Variants in ARHGEF12 observed in about 807,000 individuals in gnomAD.
ARHGEF12 encodes the protein KMT2A/ARHGEF12 fusion protein.
ARHGEF12 carries 66 observed loss-of-function variants against 211.2 expected under a neutral mutation model. That is an observed-to-expected ratio of 0.31 (90% CI 0.26 to 0.38). ARHGEF12 has a LOEUF of 0.38. Ranked by LOEUF, ARHGEF12 falls within the 10% of genes least tolerant of loss-of-function variation. The pLI, the probability that ARHGEF12 is intolerant of heterozygous loss-of-function variation, is 1.00. For synonymous variants in ARHGEF12, 592 were observed against 638.4 expected, an observed-to-expected ratio of 0.93 and a Z score of 1.09; for missense variants, 1,429 against 1,869.5, an observed-to-expected ratio of 0.76 and a Z score of 4.34.
At chr11:120,382,237 G>A (rs568111468) in intron 1 of ARHGEF12, among the ~76,000 whole-genome samples, 16 of 152,218 alleles carry the variant, frequency 1.1e-4, no homozygotes, top group Non-Finnish European at 1.6e-4. Flanking sequence ...GTAACTCTGT[G>A]TTTAACTTTC....
intron 3 of ARHGEF12, 30 bp downstream of exon 3, chr11:120,407,853 A>G (rs1944758546): frequency 1.3e-6 from 2 of 1,581,334 alleles, no homozygotes; most frequent in Non-Finnish European, 8.7e-7. Context: ...TTCAAAGAGT[A>G]TTGAGAGTAG....
chr11:120,344,290 A>AACTG (rs1942633785), intron 1 of ARHGEF12, among the ~76,000 whole-genome samples: 1 of 151,412 alleles, frequency 6.6e-6, no homozygotes, highest in Non-Finnish European at 1.5e-5. Context: ...AAAAAAAAAA[A>AACTG]AAAACTGGAG....
In ARHGEF12 at chr11:120,366,053, T is replaced by C. The variant is rs1943412523; in HGVS notation, c.32+28778T>C. 3 of 152,084 alleles carry C rather than the reference T, an allele frequency of 2.0e-5. No homozygotes were observed. In the South Asian group the frequency reaches 6.2e-4, roughly 32 times the overall value. 9.4% of individuals were successfully genotyped at this position (152,084 alleles called of 1,614,324 possible). ...TGGGAGAATTGCCTGAGTTCAGGAGTTTGACACCAGCCTGGGCAACATAAC... is the reference window on the plus strand; with the variant it reads ...TGGGAGAATTGCCTGAGTTCAGGAGCTTGACACCAGCCTGGGCAACATAAC... On this transcript the variant is annotated intron_variant, in intron 1 of 40. Transcript: ENST00000397843.
At chr11:120,364,053 C>T (rs545715912) in intron 1 of ARHGEF12, among the ~76,000 whole-genome samples, 1 of 152,274 alleles carries the variant, frequency 6.6e-6, no homozygotes, top group African/African-American at 2.4e-5. Flanking sequence ...AAGTGATCCT[C>T]CCATTTCAGC....
chr11:120,359,246 A>C (rs542457196), intron 1 of ARHGEF12, among the ~76,000 whole-genome samples: 77 of 152,076 alleles, frequency 5.1e-4, no homozygotes, highest in Non-Finnish European at 9.4e-4. Context: ...TTTTTTTGAG[A>C]TAGGATCTCA....
In ARHGEF12 at chr11:120,487,594, G is replaced by A. The variant is rs558935784; in HGVS notation, c.*2517G>A. 4.7e-6 allele frequency: 1 copy of A among 212,112 alleles called. No individual in the cohort carries two copies. Among genetic ancestry groups the A allele is most frequent in the East Asian group, 7.1e-5 (1 of 14,176 alleles). 13.1% of individuals were successfully genotyped at this position (212,112 alleles called of 1,614,324 possible). On this transcript the variant is annotated 3_prime_UTR_variant, in exon 41 of 41. Transcript: ENST00000397843. The stretch of plus-strand genomic sequence containing the variant: ...CTTTGAGTGAGACTGGTCACCATCA[G>A]AGGAGTTTTTTCTAAGTGACGTGAC...
rs577705926 is a variant in ARHGEF12, at chr11:120,395,412, AATTAG to A, written c.33-10699_33-10695del. Among the ~76,000 whole-genome samples, 493 of 152,284 alleles carry A rather than the reference AATTAG, an allele frequency of 3.2e-3. 2 individuals are homozygous for A. The highest frequency in any genetic ancestry group is 0.011 in the African/African-American group (461 of 41,574). ...GAGAAGACTGGAATGAACCTGATGG[AATTAG>A]ATTAGAATTAGAGATATCAGTATGA... On this transcript the variant is annotated intron_variant, in intron 1 of 40. Coordinates refer to ENST00000397843, the MANE Select transcript of ARHGEF12 (RefSeq NM_015313.3).
chr11:120,444,973 T>C (rs2135803981), intron 15 of ARHGEF12, among the ~76,000 whole-genome samples: 1 of 152,326 alleles, frequency 6.6e-6, no homozygotes, highest in Middle Eastern at 3.4e-3. Flanking sequence ...TTAGGAATAT[T>C]ATTGGTCTTC....
Position 120,478,361 on chromosome 11 carries a change from A to G in ARHGEF12, c.3738A>G (p.Glu1246=). ...ATTCACACCTGCCTGTCTCAGAAGAACGGTGGGCATTGGATGCACTAAGAA... is the reference window on the plus strand; with the variant it reads ...ATTCACACCTGCCTGTCTCAGAAGAGCGGTGGGCATTGGATGCACTAAGAA... ...IPDSHLPVSE[E]RWALDALRNL... is the part of the protein sequence containing the mutation. Residue 1246 remains glutamate (E), a synonymous_variant, in exon 37 of 41, where the codon GAA becomes GAG. Coordinates refer to ENST00000397843, the MANE Select transcript of ARHGEF12 (RefSeq NM_015313.3). 1 of 1,614,246 alleles carries G rather than the reference A, an allele frequency of 6.2e-7. No individual in the cohort carries two copies. The highest frequency in any genetic ancestry group is 1.1e-5 in the South Asian group (1 of 91,090).
intron 1 of ARHGEF12, among the ~76,000 whole-genome samples, chr11:120,360,567 T>C (rs984479518): frequency 6.6e-6 from 1 of 152,054 alleles, no homozygotes; most frequent in Non-Finnish European, 1.5e-5. Flanking sequence ...AATTTTTGTA[T>C]TTTTTGTAGA....
At position 120,429,578 on chromosome 11, in the gene ARHGEF12, G is replaced by A; in HGVS notation, c.663+61G>A. ...TAAAAATGTGAGTGGGCATGGTTGA[G>A]TTGGTGTTTATCAGTCACAATCAAG... On this transcript the variant is annotated intron_variant, in intron 9 of 40. Coordinates refer to ENST00000397843, the MANE Select transcript of ARHGEF12 (RefSeq NM_015313.3). The A allele has an allele frequency of 5.0e-6, 8 of 1,584,576 alleles. No homozygotes were observed. In the South Asian group the frequency reaches 9.0e-5, roughly 18 times the overall value.
rs1323781803 is a variant in ARHGEF12 at position 120,372,504 on chromosome 11, T to C, written c.33-33614T>C. Among the ~76,000 whole-genome samples, 4 of 152,306 alleles carry C rather than the reference T, an allele frequency of 2.6e-5. No homozygotes were observed. In the East Asian group the frequency reaches 5.8e-4, roughly 22 times the overall value. ...TTTCTACCAGTGTGTTATTAACTAG[T>C]TTGCTTTGTATAATGCAGTTCTGCT... On this transcript the variant is annotated intron_variant, in intron 1 of 40. Coordinates refer to ENST00000397843, the MANE Select transcript of ARHGEF12 (RefSeq NM_015313.3).
chr11:120,431,109 G>A (rs79552363), intron 10 of ARHGEF12, among the ~76,000 whole-genome samples: 10 of 151,950 alleles, frequency 6.6e-5, no homozygotes, highest in Non-Finnish European at 1.3e-4. Flanking sequence ...GGCCAACATG[G>A]TGAAACTCCG....
In ARHGEF12 at chr11:120,485,316, G is replaced by A. The variant is rs541506021; in HGVS notation, c.*239G>A. On this transcript the variant is annotated 3_prime_UTR_variant, in exon 41 of 41. Transcript: ENST00000397843. ...CCCTCACTCTACTCTCCTCACTATCGGAAATTCATTTTGATTCAGAATAAA... is the reference window on the plus strand; with the variant it reads ...CCCTCACTCTACTCTCCTCACTATCAGAAATTCATTTTGATTCAGAATAAA... 20 of 431,914 alleles carry A rather than the reference G, an allele frequency of 4.6e-5. No homozygotes were observed. Among genetic ancestry groups the A allele is most frequent in the East Asian group, 3.3e-4 (10 of 29,976 alleles). 26.8% of individuals were successfully genotyped at this position (431,914 alleles called of 1,614,324 possible). A position where few individuals can be genotyped will look rare whatever the true frequency, so the allele number is the denominator to read the frequency against.
chr11:120,356,170 G>A (rs897255894), intron 1 of ARHGEF12, among the ~76,000 whole-genome samples: 2 of 152,108 alleles, frequency 1.3e-5, no homozygotes, highest in African/African-American at 2.4e-5. Context: ...TAAAATTTTT[G>A]TGTTTTTGTG....
At chr11:120,438,082 G>A (rs1408979234) in intron 12 of ARHGEF12, among the ~76,000 whole-genome samples, 2 of 152,040 alleles carry the variant, frequency 1.3e-5, no homozygotes, top group Non-Finnish European at 2.9e-5. Flanking sequence ...TTGATCTTAC[G>A]TATTCTTAAT....
At position 120,489,673 on chromosome 11, in the gene ARHGEF12, C is replaced by T. The variant is rs1565526724; in HGVS notation, c.*4596C>T. ...TCAAGGGCACATTTGGCTGACGGAG[C>T]TAATAAGCGTAATAAAATGCTTAGT... On this transcript the variant is annotated 3_prime_UTR_variant, in exon 41 of 41. Coordinates refer to ENST00000397843, the MANE Select transcript of ARHGEF12 (RefSeq NM_015313.3). 9.5e-6 allele frequency: 2 copies of T among 209,638 alleles called. No individual in the cohort carries two copies. Among genetic ancestry groups the T allele is most frequent in the Non-Finnish European group, 1.9e-5 (2 of 102,986 alleles). The allele number at this position is 209,638 out of a possible 1,614,324, so 13.0% of individuals were successfully genotyped here. A position where few individuals can be genotyped will look rare whatever the true frequency, so the allele number is the denominator to read the frequency against.
intron 23 of ARHGEF12, 159 bp from the exon 24 acceptor site, chr11:120,457,562 C>T (rs2135884573): frequency 2.0e-6 from 1 of 506,796 alleles, no homozygotes; most frequent in Non-Finnish European, 3.3e-6. Context: ...TAGAAAGGTA[C>T]TCAAATTTTC....
intron 4 of ARHGEF12, among the ~76,000 whole-genome samples, chr11:120,412,038 G>A (rs546824495): frequency 6.6e-6 from 1 of 152,042 alleles, no homozygotes; most frequent in South Asian, 2.1e-4. Flanking sequence ...GACTTTTTTT[G>A]TTACATTTCT....
Sources: allele counts gnomAD v4.1 joint callset (sites outside exome capture counted in the v4.1 genomes callset), GRCh38; gene constraint gnomAD v4.1.1; transcripts MANE v1.5; gene names NCBI Gene and HGNC (gene_info 2026-07-23, HGNC 2026-07-21).